The following CEP164 variants were observed in gnomAD, a reference collection of about 807,000 sequenced individuals.
CEP164 encodes the protein centrosomal protein 164.
A neutral mutation model predicts 182.7 loss-of-function variants in CEP164; 162 were observed. That is an observed-to-expected ratio of 0.89 (90% CI 0.78 to 1.01). CEP164 has a LOEUF of 1.01. Ranked by LOEUF, CEP164 falls within the 50% of genes least tolerant of loss-of-function variation. CEP164 has a pLI of 0.00. For missense variants in CEP164, 1,735 were observed against 1,790.4 expected, an observed-to-expected ratio of 0.97 and a Z score of 0.56; for synonymous variants, 661 against 690.0, an observed-to-expected ratio of 0.96 and a Z score of 0.66.
chr11:117,331,981 A>AATATAT (rs56696952), intron 1 of CEP164, among the ~76,000 whole-genome samples: 10,877 of 142,102 alleles, frequency 0.077, 596 homozygotes, highest in East Asian at 0.15. Context: ...ATGCCTGGCT[A>AATATAT]ATATATATAT....
chr11:117,396,238 A>C, intron 25 of CEP164, 58 bp downstream of exon 25: 1 of 1,555,860 alleles, frequency 6.4e-7, no homozygotes, highest in Non-Finnish European at 8.8e-7. Flanking sequence ...GGGCATTGGG[A>C]GGGGCTGGGC....
At chr11:117,375,815 T>C (rs2042682689) in intron 11 of CEP164, 24 bp downstream of exon 11, 2 of 1,608,470 alleles carry the variant, frequency 1.2e-6, no homozygotes, top group Non-Finnish European at 1.7e-6. Context: ...GGTGGTGGGC[T>C]GAGCTGGGGC....
intron 7 of CEP164, among the ~76,000 whole-genome samples, chr11:117,362,978 G>C (rs1042871179): frequency 6.6e-6 from 1 of 152,174 alleles, no homozygotes; most frequent in Non-Finnish European, 1.5e-5. Context: ...CTATGTTGTA[G>C]CATGTATTAG....
chr11:117,409,070 G>T lies in CEP164; in HGVS notation c.3748+42G>T. 1 of 1,612,244 alleles carries T rather than the reference G, an allele frequency of 6.2e-7. No individual in the cohort carries two copies. Among genetic ancestry groups the T allele is most frequent in the South Asian group, 1.1e-5 (1 of 90,938 alleles). ...CGGGGTGAGGACCATGGTATCCATG[G>T]AATGGGAGGAACTTGGGGAATAGAA... On this transcript the variant is annotated intron_variant, in intron 29 of 32. Transcript: ENST00000278935. The surrounding 1 kb of genome is among the most constrained non-coding windows in gnomAD (Gnocchi z 4.4).
chr11:117,394,625 C>T lies in CEP164; in HGVS notation c.2760+132C>T. ...GGAGTGAGAGTCTCTCACTGGCCAT[C>T]TCCAAGCTGGGGCATCCTTGTTACT... is the stretch of plus-strand genomic sequence containing the variant. On this transcript the variant is annotated intron_variant, in intron 21 of 32. Transcript: ENST00000278935. The surrounding 1 kb of genome is among the most constrained non-coding windows in gnomAD (Gnocchi z 4.0). The T allele has an allele frequency of 8.0e-7, 1 of 1,247,832 alleles. No individual in the cohort carries two copies. Among genetic ancestry groups the T allele is most frequent in the Non-Finnish European group, 1.1e-6 (1 of 908,526 alleles). 77.3% of individuals were successfully genotyped at this position (1,247,832 alleles called of 1,614,324 possible).
At chr11:117,325,070 G>A (rs916535836), upstream of CEP164, among the ~76,000 whole-genome samples, 5 of 151,896 alleles carry the variant, frequency 3.3e-5, no homozygotes, top group Non-Finnish European at 5.9e-5. Flanking sequence ...CCCTCAGTGA[G>A]ACCTTTATTT....
intron 31 of CEP164, 41 bp downstream of exon 31, chr11:117,410,935 T>C: frequency 6.3e-7 from 1 of 1,575,010 alleles, no homozygotes. Flanking sequence ...AACGTCATAG[T>C]CGAGCTGCTC....
chr11:117,410,716 T>C (rs1161358785), intron 30 of CEP164, 112 bp from the exon 31 acceptor site: 1 of 791,196 alleles, frequency 1.3e-6, no homozygotes, highest in Non-Finnish European at 2.1e-6. Context: ...GTCTCTGGCC[T>C]CCAGCCACTG....
chr11:117,393,442 A>G (rs1327547099), intron 20 of CEP164, among the ~76,000 whole-genome samples: 4 of 152,224 alleles, frequency 2.6e-5, no homozygotes, highest in African/African-American at 7.2e-5. Context: ...ACCCCCATAC[A>G]TTGAGCTTGT....
chr11:117,324,459 T>G (rs1166376818), upstream of CEP164, among the ~76,000 whole-genome samples: 1 of 151,668 alleles, frequency 6.6e-6, no homozygotes, highest in Non-Finnish European at 1.5e-5. Flanking sequence ...AAAAAAAAAT[T>G]TGTGTGTCAT....
intron 19 of CEP164, 108 bp downstream of exon 19, chr11:117,392,735 A>G (rs2044833662): frequency 2.8e-6 from 4 of 1,446,276 alleles, no homozygotes; most frequent in Non-Finnish European, 3.8e-6. Flanking sequence ...TGGATGGCTC[A>G]GCTGGGGTTA....
chr11:117,344,292 G>A lies in CEP164; in HGVS notation c.194+15G>A, dbSNP rs1423887740. Reference sequence around the variant, plus strand: ...TGGAAACCATGGTAAGTCAGCAGGGGGTGCGGCCACTGACTTGGCCTAGCA... The same window carrying A: ...TGGAAACCATGGTAAGTCAGCAGGGAGTGCGGCCACTGACTTGGCCTAGCA... On this transcript the variant is annotated intron_variant, in intron 4 of 32. Transcript: ENST00000278935. The A allele has an allele frequency of 6.3e-7, 1 of 1,579,910 alleles. No individual in the cohort carries two copies. Among genetic ancestry groups the A allele is most frequent in the African/African-American group, 1.3e-5 (1 of 74,238 alleles).
chr11:117,359,080 G>A (rs2040637238), intron 5 of CEP164, among the ~76,000 whole-genome samples: 1 of 152,160 alleles, frequency 6.6e-6, no homozygotes. Context: ...CAGTAGCTGG[G>A]ATTACAGGCA....
At chr11:117,395,770 CCCTCTGA>C (rs755113701) in intron 24 of CEP164, 48 bp downstream of exon 24, 1 of 1,559,908 alleles carries the variant, frequency 6.4e-7, no homozygotes, top group African/African-American at 1.4e-5. Context: ...CTCCTGCCTG[CCCTCTGA>C]CCTCTGCTGC....
rs483837 is a variant in CEP164 at position 117,395,750 on chromosome 11, T to C, written c.3089+28T>C. On this transcript the variant is annotated intron_variant, in intron 24 of 32. Transcript: ENST00000278935. ...GGCGTGGGCACCCTGCACTTAGCCC[T>C]GCTGGCTGCCTCCTGCCTGCCCTCT... The C allele has an allele frequency of 0.053, 83,354 of 1,584,696 alleles. 2,478 individuals are homozygous for C. Among genetic ancestry groups the C allele is most frequent in the African/African-American group, 0.094 (6,968 of 74,348 alleles).
rs2047425765 is a variant in CEP164, at chr11:117,412,082, TCG to T, written c.4298_4299del (p.Ser1433PhefsTer17). 1.2e-6 allele frequency: 2 copies of T among 1,614,128 alleles called. No individual in the cohort carries two copies. The highest frequency in any genetic ancestry group is 1.7e-6 in the Non-Finnish European group (2 of 1,180,004). Reference protein sequence around the residue: ...VKNDPRLPLFSSTPKPKATLS... With the variant: ...VKNDPRLPLFXSTPKPKATLS... ...TCACCTTGTGGCCAGACCTCTCTTC[TCG>T]TCAACACCCAAGCCAAAAGCTACTT... is the stretch of plus-strand genomic sequence containing the variant. On this transcript the variant is annotated frameshift_variant, in exon 33 of 33. Coordinates refer to ENST00000278935, the MANE Select transcript of CEP164 (RefSeq NM_014956.5). LOFTEE classifies it low-confidence loss of function (END_TRUNC).
upstream of CEP164, among the ~76,000 whole-genome samples, chr11:117,325,454 C>A (rs532290253): frequency 6.7e-6 from 1 of 149,288 alleles, no homozygotes; most frequent in Non-Finnish European, 1.5e-5. Context: ...GGCGAGATCT[C>A]GGCTCACTGC....
intron 14 of CEP164, among the ~76,000 whole-genome samples, chr11:117,383,397 A>G (rs910276919): frequency 2.6e-5 from 4 of 152,168 alleles, no homozygotes; most frequent in African/African-American, 9.7e-5. Flanking sequence ...CCCTCGAGGA[A>G]GTTTCCTCGT....
At chr11:117,376,679 C>T (rs1366601634) in intron 11 of CEP164, among the ~76,000 whole-genome samples, 2 of 152,198 alleles carry the variant, frequency 1.3e-5, no homozygotes, top group Admixed American at 1.3e-4. Context: ...AGGCCAGTTG[C>T]ATTTGAGCCC....
Sources: gnomAD v4.1 joint callset for allele counts (sites outside exome capture counted in the v4.1 genomes callset) on GRCh38, gnomAD v4.1.1 for gene constraint, Gnocchi (gnomAD v3.1) non-coding constraint, MANE v1.5 for transcripts, NCBI Gene and HGNC (gene_info 2026-07-23, HGNC 2026-07-21) for gene names.